Variants in PTPRD observed in about 807,000 individuals in gnomAD.
The protein encoded by PTPRD is protein tyrosine phosphatase receptor type D, also known as receptor-type tyrosine-protein phosphatase delta.
In PTPRD, 34 loss-of-function variants were observed where a neutral mutation model predicts 214.5. That is an observed-to-expected ratio of 0.16 (90% confidence interval 0.12 to 0.21). PTPRD has a LOEUF of 0.21. Ranked by LOEUF, PTPRD falls within the 10% of genes least tolerant of loss-of-function variation. The probability of loss-of-function intolerance (pLI) is 1.00; values close to 1 mark genes in which losing one functional copy is unlikely to be tolerated. For synonymous variants in PTPRD, 1,128 were observed against 845.7 expected, an observed-to-expected ratio of 1.33 and a Z score of -5.79; for missense variants, 2,545 against 2,398.7, an observed-to-expected ratio of 1.06 and a Z score of -1.27.
At chr9:8,450,174 G>A (rs757318260) in intron 33 of PTPRD, among the ~76,000 whole-genome samples, 10 of 152,094 alleles carry the variant, frequency 6.6e-5, no homozygotes, top group South Asian at 2.1e-4. Context: ...AGTTCTATTT[G>A]TGAGGAACAG....
At chr9:10,485,791 A>G (rs1435126668) in intron 2 of PTPRD, among the ~76,000 whole-genome samples, 1 of 152,104 alleles carries the variant, frequency 6.6e-6, no homozygotes, top group Non-Finnish European at 1.5e-5. Flanking sequence ...ATACATGATC[A>G]TATCGTTTGC....
In PTPRD at chr9:9,839,307, T is replaced by A. The variant is rs942327134; in HGVS notation, c.-367-72456A>T. On this transcript the variant is annotated intron_variant, in intron 5 of 45. Coordinates refer to ENST00000381196, the MANE Select transcript of PTPRD (RefSeq NM_002839.4). ...TGATTGTATATCTAGAAAACCCCAT[T>A]GTCTCAGCCCAAAATCTCCTTAAGC... 1.1e-4 allele frequency among the ~76,000 whole-genome samples: 17 copies of A among 152,176 alleles called. No individual in the cohort carries two copies. The East Asian group carries it at 1.2e-3, about 10-fold the overall frequency.
At chr9:9,960,078 G>T (rs2094245321) in intron 4 of PTPRD, among the ~76,000 whole-genome samples, 1 of 151,966 alleles carries the variant, frequency 6.6e-6, no homozygotes, top group East Asian at 1.9e-4. Context: ...AGAAATTAGG[G>T]CTCCTTAAAT....
At chr9:10,610,361 C>T (rs1307534191) in intron 2 of PTPRD, among the ~76,000 whole-genome samples, 2 of 152,082 alleles carry the variant, frequency 1.3e-5, no homozygotes, top group African/African-American at 2.4e-5. Context: ...TATTTGCTTT[C>T]AGAAATTCAA....
intron 10 of PTPRD, among the ~76,000 whole-genome samples, chr9:9,163,505 A>G (rs912309500): frequency 6.6e-6 from 1 of 151,972 alleles, no homozygotes; most frequent in African/African-American, 2.4e-5. Flanking sequence ...TACAGCCACC[A>G]CCGAGATCCA....
intron 11 of PTPRD, among the ~76,000 whole-genome samples, chr9:8,939,471 G>C (rs902947912): frequency 2.6e-5 from 4 of 152,052 alleles, no homozygotes; most frequent in Non-Finnish European, 4.4e-5. Flanking sequence ...TTAGAATAAA[G>C]TATTATTTTT....
chr9:8,462,215 C>A (rs1266654771), intron 32 of PTPRD, among the ~76,000 whole-genome samples: 1 of 151,960 alleles, frequency 6.6e-6, no homozygotes, highest in African/African-American at 2.4e-5. Context: ...ATTCTCTCAT[C>A]CTCTCAGTAT....
chr9:9,309,301 C>T (rs1447129399), intron 9 of PTPRD, among the ~76,000 whole-genome samples: 1 of 150,820 alleles, frequency 6.6e-6, no homozygotes, highest in South Asian at 2.1e-4. Flanking sequence ...TATAGATGAA[C>T]AGTCAGTAAA....
intron 8 of PTPRD, among the ~76,000 whole-genome samples, chr9:9,535,980 C>A (rs180943587): frequency 1.7e-3 from 264 of 152,046 alleles, no homozygotes; most frequent in Non-Finnish European, 3.1e-3. Context: ...TGTTCCTAAC[C>A]AAGAAAGGTA....
intron 2 of PTPRD, among the ~76,000 whole-genome samples, chr9:10,602,591 C>T (rs554133535): frequency 1.8e-4 from 27 of 151,684 alleles, no homozygotes; most frequent in African/African-American, 6.0e-4. Flanking sequence ...AAGTAATTTA[C>T]GGTTATAATC....
In PTPRD at chr9:9,905,127, G is replaced by A. The variant is rs77167072; in HGVS notation, c.-368+33380C>T. Among the ~76,000 whole-genome samples the A allele has an allele frequency of 4.2e-3, 634 of 151,966 alleles. 5 individuals carry two copies. Among genetic ancestry groups the A allele is most frequent in the African/African-American group, 0.014 (593 of 41,490 alleles). On this transcript the variant is annotated intron_variant, in intron 5 of 45. Coordinates refer to ENST00000381196, the MANE Select transcript of PTPRD (RefSeq NM_002839.4). ...ACTCACCTTCCCATGCCTGAACTTA[G>A]CCAATTTAGTTCGTACTTGAACACG...
chr9:8,828,548 T>C (rs1263199007), intron 11 of PTPRD, among the ~76,000 whole-genome samples: 2 of 152,176 alleles, frequency 1.3e-5, no homozygotes, highest in Non-Finnish European at 2.9e-5. Flanking sequence ...GGATATTTTG[T>C]TGCAGTAGCT....
intron 11 of PTPRD, among the ~76,000 whole-genome samples, chr9:8,819,300 G>A (rs976559700): frequency 1.3e-5 from 2 of 151,974 alleles, no homozygotes; most frequent in East Asian, 1.9e-4. Flanking sequence ...CAACATATGT[G>A]AGGTAGACTG....
At chr9:9,460,024 A>G in intron 8 of PTPRD, among the ~76,000 whole-genome samples, 1 of 152,058 alleles carries the variant, frequency 6.6e-6, no homozygotes, top group East Asian at 1.9e-4. Context: ...GGAAGACAGA[A>G]CCCAGAAATA....
At chr9:9,836,446 C>T (rs2056787517) in intron 5 of PTPRD, among the ~76,000 whole-genome samples, 1 of 152,110 alleles carries the variant, frequency 6.6e-6, no homozygotes, top group South Asian at 2.1e-4. Context: ...AATGCAAACC[C>T]TCAAAAATTT....
At chr9:10,119,272 G>C (rs950334870) in intron 3 of PTPRD, among the ~76,000 whole-genome samples, 1 of 151,876 alleles carries the variant, frequency 6.6e-6, no homozygotes, top group East Asian at 1.9e-4. Flanking sequence ...CCATACCCTG[G>C]AAAAGGAAAT....
At chr9:10,343,984 T>G (rs1184679248) in intron 2 of PTPRD, among the ~76,000 whole-genome samples, 1 of 136,316 alleles carries the variant, frequency 7.3e-6, no homozygotes, top group African/African-American at 2.8e-5. Context: ...GGTAGTTTTT[T>G]TTTTTTTTTT....
intron 2 of PTPRD, among the ~76,000 whole-genome samples, chr9:10,450,244 T>TA (rs547511079): frequency 9.3e-5 from 14 of 149,994 alleles, no homozygotes; most frequent in African/African-American, 2.7e-4. Context: ...CAATAAATAC[T>TA]AAAAAAAATA....
At chr9:8,511,122 G>A (rs912948649) in intron 21 of PTPRD, among the ~76,000 whole-genome samples, 11 of 152,074 alleles carry the variant, frequency 7.2e-5, no homozygotes, top group Non-Finnish European at 1.6e-4. Flanking sequence ...AGGCTGGAGT[G>A]CAATGGCACA....
Sources: allele counts gnomAD v4.1 joint callset (sites outside exome capture counted in the v4.1 genomes callset), GRCh38; gene constraint gnomAD v4.1.1; transcripts MANE v1.5; gene names NCBI Gene and HGNC (gene_info 2026-07-23, HGNC 2026-07-21).